SLC4A5: variants seen among roughly 807,000 people sequenced by gnomAD.
The protein encoded by SLC4A5 is solute carrier family 4 member 5, also known as electrogenic sodium bicarbonate cotransporter 4.
A neutral mutation model predicts 120.4 loss-of-function variants in SLC4A5; 96 were observed. That is an observed-to-expected ratio of 0.80 (90% CI 0.68 to 0.94). The LOEUF (loss-of-function observed/expected upper bound fraction) is 0.94, where lower values mean the gene tolerates loss of function less well. Among genes scored for constraint, SLC4A5 ranks in the 40% least tolerant of loss-of-function variants. The pLI is 0.00. For synonymous variants in SLC4A5, 550 were observed against 571.1 expected (o/e 0.96, Z 0.53); for missense variants, 1,259 against 1,459.5 (o/e 0.86, Z 2.24).
At chr2:74,280,947 A>G (rs1226676478) in intron 8 of SLC4A5, among the ~76,000 whole-genome samples, 1 of 152,150 alleles carries the variant, frequency 6.6e-6, no homozygotes, top group East Asian at 1.9e-4. Flanking sequence ...TCAGCCTCCC[A>G]AAGTGCTGGG....
chr2:74,225,168 C>T (rs1171698248), intron 27 of SLC4A5, among the ~76,000 whole-genome samples, 173 bp from the exon 28 acceptor site: 2 of 152,184 alleles, frequency 1.3e-5, no homozygotes, highest in Non-Finnish European at 2.9e-5. Flanking sequence ...TTTCCCTCCA[C>T]CGTAGTTCCT....
chr2:74,227,022 T>G, exon 27 of SLC4A5: 1 of 1,614,098 alleles, frequency 6.2e-7, no homozygotes, highest in Non-Finnish European at 8.5e-7. Context: ...AGGCAGAGGA[T>G]CTGCACCAGG....
At position 74,329,658 on chromosome 2, in the gene SLC4A5, G is replaced by C. The variant is rs180956563; in HGVS notation, c.-69-1472C>G. ...GGAGGTGGTGTGAGGTGTAAATGGA[G>C]GTGTGAGGTGTAGACAGAGATGATG... On this transcript the variant is annotated intron_variant, in intron 4 of 30. Coordinates refer to ENST00000394019, the Ensembl canonical transcript of SLC4A5. 1.3e-4 allele frequency among the ~76,000 whole-genome samples: 13 copies of C among 101,550 alleles called. 1 individual carries two copies. The East Asian group carries it at 2.9e-3, about 23-fold the overall frequency. 66.6% of individuals were successfully genotyped at this position (101,550 alleles called of 152,430 possible). A position where few individuals can be genotyped will look rare whatever the true frequency, so the allele number is the denominator to read the frequency against.
chr2:74,234,988 TA>T, intron 22 of SLC4A5, 112 bp downstream of exon 22: 3 of 827,448 alleles, frequency 3.6e-6, no homozygotes, highest in Non-Finnish European at 3.8e-6. Context: ...CACAGAGAAC[TA>T]AAATGGTCTC....
At chr2:74,247,283 C>T (rs1670643231) in exon 19 of SLC4A5, 1 of 1,613,982 alleles carries the variant, frequency 6.2e-7, no homozygotes, top group South Asian at 1.1e-5. Flanking sequence ...AGAGGCGGAA[C>T]TCCATGTAGT....
intron 28 of SLC4A5, among the ~76,000 whole-genome samples, chr2:74,224,621 G>T (rs374045501): frequency 1.3e-5 from 2 of 152,088 alleles, no homozygotes; most frequent in Admixed American, 6.5e-5. Context: ...TCCCTGGACA[G>T]GGAGTCTCAT....
chr2:74,260,086 T>C lies in SLC4A5; in HGVS notation c.812-443A>G, dbSNP rs11898311. 7.4e-3 allele frequency among the ~76,000 whole-genome samples: 1,123 copies of C among 152,266 alleles called. 11 individuals carry two copies. The highest frequency in any genetic ancestry group is 0.026 in the African/African-American group (1,064 of 41,550). On this transcript the variant is annotated intron_variant, in intron 11 of 30. Coordinates refer to ENST00000394019, the Ensembl canonical transcript of SLC4A5. ...CATGACCGGTGAGAGTCTTCAAACA[T>C]GGGCTGGGGATTTAGGCTGGCAGAG...
chr2:74,279,327 C>A (rs187211464), intron 8 of SLC4A5, among the ~76,000 whole-genome samples: 1 of 152,190 alleles, frequency 6.6e-6, no homozygotes, highest in Non-Finnish European at 1.5e-5. Context: ...CCTGCGGATG[C>A]GCTTCAGTTC....
chr2:74,273,574 G>C (rs2104096359), intron 8 of SLC4A5, among the ~76,000 whole-genome samples: 1 of 152,234 alleles, frequency 6.6e-6, no homozygotes, highest in South Asian at 2.1e-4. Context: ...AAAGCATCAA[G>C]ACATGTTTGT....
chr2:74,254,780 G>A (rs1244351360), intron 13 of SLC4A5, 74 bp from the exon 14 acceptor site: 9 of 1,112,126 alleles, frequency 8.1e-6, no homozygotes, highest in Non-Finnish European at 1.2e-5. Flanking sequence ...AAAAACAGAA[G>A]CAAGTGAAGA....
intron 20 of SLC4A5, among the ~76,000 whole-genome samples, chr2:74,240,886 C>T (rs79980408): frequency 0.011 from 1,611 of 152,252 alleles, 28 homozygotes; most frequent in African/African-American, 0.037. Flanking sequence ...ACCTTGGAGA[C>T]AGTAAAAGCT....
chr2:74,284,976 G>A lies in SLC4A5; in HGVS notation c.401+797C>T, dbSNP rs1449174763. ...CTTCTCCTTCCTCCAAGAAGCCCTC[G>A]CTGTCTACCCCAGCCTGCTTGTTAC... On this transcript the variant is annotated intron_variant, in intron 8 of 30. Transcript: ENST00000394019. Among the ~76,000 whole-genome samples the A allele has an allele frequency of 3.9e-5, 6 of 152,088 alleles. No homozygotes were observed. The East Asian group carries it at 7.7e-4, about 20-fold the overall frequency.
At chr2:74,304,148 C>T (rs562656162) in intron 7 of SLC4A5, among the ~76,000 whole-genome samples, 1 of 152,302 alleles carries the variant, frequency 6.6e-6, no homozygotes, top group African/African-American at 2.4e-5. Context: ...CGCGCCCGGC[C>T]GCATGTCCAT....
chr2:74,232,249 T>C (rs1670113304), intron 24 of SLC4A5, among the ~76,000 whole-genome samples: 1 of 152,156 alleles, frequency 6.6e-6, no homozygotes, highest in Non-Finnish European at 1.5e-5. Flanking sequence ...GGGGTATGCA[T>C]ACTGCTTGGA....
At chr2:74,321,615 A>G (rs1673099906) in intron 5 of SLC4A5, among the ~76,000 whole-genome samples, 2 of 152,068 alleles carry the variant, frequency 1.3e-5, no homozygotes, top group African/African-American at 2.4e-5. Flanking sequence ...TGGGAAAGTA[A>G]GTTTTTACTG....
chr2:74,278,881 T>G (rs763461811), intron 8 of SLC4A5, among the ~76,000 whole-genome samples: 1 of 152,238 alleles, frequency 6.6e-6, no homozygotes, highest in Non-Finnish European at 1.5e-5. Context: ...GCTGCTAGCC[T>G]GCAGCTGCTT....
intron 7 of SLC4A5, among the ~76,000 whole-genome samples, chr2:74,299,114 GC>G (rs1476338495): frequency 2.0e-5 from 3 of 151,432 alleles, no homozygotes; most frequent in African/African-American, 7.4e-5. Context: ...ACTTTGGGAG[GC>G]CGAGGAAGGC....
At chr2:74,278,296 C>G (rs1671706601) in intron 8 of SLC4A5, among the ~76,000 whole-genome samples, 1 of 152,148 alleles carries the variant, frequency 6.6e-6, no homozygotes, top group Non-Finnish European at 1.5e-5. Context: ...CCTCCCATCT[C>G]TCCTCACTTA....
chr2:74,237,121 C>T (rs1290071561), intron 21 of SLC4A5, among the ~76,000 whole-genome samples: 6 of 151,992 alleles, frequency 3.9e-5, no homozygotes, highest in Admixed American at 1.3e-4. Context: ...GGACTACAGG[C>T]GCCCACCACA....
Sources: gnomAD v4.1 joint callset for allele counts (sites outside exome capture counted in the v4.1 genomes callset) on GRCh38, gnomAD v4.1.1 for gene constraint, MANE v1.5 for transcripts, NCBI Gene and HGNC (gene_info 2026-07-23, HGNC 2026-07-21) for gene names.